Variants in REPS2 observed in about 807,000 individuals in gnomAD.
REPS2 encodes RALBP1 associated Eps domain containing 2, also known as ralBP1-associated Eps domain-containing protein 2.
Under a neutral mutation model 53.6 loss-of-function variants are expected in REPS2, and 23 were observed. The observed-to-expected ratio is 0.43, with a 90% CI of 0.31 to 0.61. The LOEUF (loss-of-function observed/expected upper bound fraction) is 0.61, where lower values mean the gene tolerates loss of function less well. Among genes scored for constraint, REPS2 ranks in the 20% least tolerant of loss-of-function variants. REPS2 has a pLI of 0.11. For synonymous variants in REPS2, 238 were observed against 218.6 expected (o/e 1.09, Z -0.78); for missense variants, 446 against 534.9 (o/e 0.83, Z 1.64).
chrX:17,121,283 G>C (rs1212670782), intron 14 of REPS2, among the ~76,000 whole-genome samples: 1 of 112,378 alleles, frequency 8.9e-6, no homozygotes, highest in Non-Finnish European at 1.9e-5. Flanking sequence ...ATCAAATTTT[G>C]TAAGTATCAC....
intron 2 of REPS2, among the ~76,000 whole-genome samples, chrX:17,015,864 A>G (rs928395864): frequency 8.9e-6 from 1 of 112,042 alleles, no homozygotes; most frequent in Non-Finnish European, 1.9e-5. Context: ...TAGTGCCGCA[A>G]TAAACACACA....
At chrX:17,106,491 G>A (rs928473193) in intron 14 of REPS2, among the ~76,000 whole-genome samples, 1 of 106,784 alleles carries the variant, frequency 9.4e-6, no homozygotes, top group Non-Finnish European at 1.9e-5. Context: ...TCAGCTCACT[G>A]CAAGCTCTGC....
intron 1 of REPS2, among the ~76,000 whole-genome samples, chrX:16,971,424 G>C (rs2060892827): frequency 8.9e-6 from 1 of 112,004 alleles, no homozygotes; most frequent in African/African-American, 3.2e-5. Context: ...ACATATTTTA[G>C]TCATCTATCA....
At chrX:17,126,664 C>A (rs181381386) in intron 14 of REPS2, among the ~76,000 whole-genome samples, 37 of 111,881 alleles carry the variant, frequency 3.3e-4, no homozygotes, top group African/African-American at 1.2e-3. Flanking sequence ...TTCTTCTTCC[C>A]CCTAGGCCAG....
chrX:16,974,656 A>AT (rs2060934385), intron 1 of REPS2, among the ~76,000 whole-genome samples: 1 of 110,602 alleles, frequency 9.0e-6, no homozygotes. Context: ...CAAAAAAAAA[A>AT]GGAACGTACC....
intron 14 of REPS2, among the ~76,000 whole-genome samples, chrX:17,129,032 GT>G (rs1157384589): frequency 3.6e-5 from 4 of 111,579 alleles, no homozygotes; most frequent in Non-Finnish European, 7.5e-5. Context: ...CCATATATCT[GT>G]TTTTTTCCCA....
At chrX:17,114,295 G>T (rs1056857424) in intron 14 of REPS2, among the ~76,000 whole-genome samples, 1 of 112,016 alleles carries the variant, frequency 8.9e-6, no homozygotes, top group Non-Finnish European at 1.9e-5. Flanking sequence ...GGATCGCTTA[G>T]GTGACTCATT....
chrX:17,135,618 A>C, intron 16 of REPS2: 1 of 355,050 alleles, frequency 2.8e-6, no homozygotes, highest in Non-Finnish European at 4.7e-6. Flanking sequence ...GGGGCAGGCG[A>C]GTCCTAGGCT....
chrX:16,971,336 G>T (rs974278156), intron 1 of REPS2, among the ~76,000 whole-genome samples: 6 of 111,895 alleles, frequency 5.4e-5, no homozygotes, highest in African/African-American at 1.3e-4. Context: ...TTTAAATTGG[G>T]TTGTCTTTAT....
At chrX:17,075,782 C>T (rs2062373526) in intron 12 of REPS2, among the ~76,000 whole-genome samples, 1 of 112,734 alleles carries the variant, frequency 8.9e-6, no homozygotes. Flanking sequence ...CACGCATACA[C>T]ATTATTTACA....
intron 13 of REPS2, among the ~76,000 whole-genome samples, chrX:17,101,903 T>C (rs2148055376): frequency 8.9e-6 from 1 of 112,316 alleles, no homozygotes; most frequent in Non-Finnish European, 1.9e-5. Context: ...ACAAGTCAAT[T>C]TAATTAAATG....
intron 1 of REPS2, among the ~76,000 whole-genome samples, chrX:16,970,773 T>G (rs1024725342): frequency 3.6e-5 from 4 of 112,474 alleles, no homozygotes; most frequent in African/African-American, 1.3e-4. Context: ...CCACATAGTG[T>G]GTGGTCATTT....
intron 5 of REPS2, 48 bp from the exon 6 acceptor site, chrX:17,047,299 A>C: frequency 5.9e-6 from 7 of 1,185,633 alleles, no homozygotes; most frequent in Non-Finnish European, 8.0e-6. Flanking sequence ...TCTACTTCTC[A>C]CTAAAGACAG....
At chrX:16,964,786 G>A (rs1175355713) in intron 1 of REPS2, among the ~76,000 whole-genome samples, 7 of 77,573 alleles carry the variant, frequency 9.0e-5, no homozygotes, top group Admixed American at 6.1e-4. Flanking sequence ...CGGGCGGGGG[G>A]CTGACCCCCC....
intron 1 of REPS2, among the ~76,000 whole-genome samples, chrX:16,973,122 GCTTT>G (rs1179821912): frequency 9.0e-6 from 1 of 111,617 alleles, no homozygotes; most frequent in Admixed American, 9.5e-5. Flanking sequence ...TTTGTTTGAT[GCTTT>G]CTTATGAATA....
At chrX:17,090,792 A>G (rs2062605223) in intron 13 of REPS2, among the ~76,000 whole-genome samples, 1 of 112,211 alleles carries the variant, frequency 8.9e-6, no homozygotes, top group East Asian at 2.8e-4. Flanking sequence ...TTGATGTCAT[A>G]TCTGAGAAGT....
the REPS2 span, among the ~76,000 whole-genome samples, chrX:17,161,030 C>T: frequency 8.9e-6 from 1 of 111,745 alleles, no homozygotes; most frequent in Non-Finnish European, 1.9e-5. Context: ...ATGTAAATGA[C>T]AAGATGTGGA....
chrX:17,193,002 TA>T, the REPS2 span, among the ~76,000 whole-genome samples: 3 of 112,821 alleles, frequency 2.7e-5, no homozygotes, highest in East Asian at 8.3e-4. Context: ...GAATATTCAA[TA>T]ATTCTTTACC....
chrX:17,141,908 C>A (rs925311303), intron 17 of REPS2, among the ~76,000 whole-genome samples: 3 of 111,474 alleles, frequency 2.7e-5, no homozygotes, highest in Non-Finnish European at 5.7e-5. Flanking sequence ...ACAAGCTAAT[C>A]CCAAAACTTA....
Sources: gnomAD v4.1 joint callset for allele counts (sites outside exome capture counted in the v4.1 genomes callset) on GRCh38, gnomAD v4.1.1 for gene constraint, MANE v1.5 for transcripts, NCBI Gene and HGNC (gene_info 2026-07-23, HGNC 2026-07-21) for gene names.